The following ST3GAL6 variants were observed in gnomAD, a reference collection of about 807,000 sequenced individuals.
ST3GAL6 encodes the protein type 2 lactosamine alpha-2,3-sialyltransferase.
In ST3GAL6, 31 loss-of-function variants were observed where a neutral mutation model predicts 40.5. That is an observed-to-expected ratio of 0.77 (90% confidence interval 0.58 to 1.03). The LOEUF (loss-of-function observed/expected upper bound fraction) is 1.03, where lower values mean the gene tolerates loss of function less well. Among genes scored for constraint, ST3GAL6 ranks in the 50% least tolerant of loss-of-function variants. The probability of loss-of-function intolerance (pLI) is 0.00; values close to 1 mark genes in which losing one functional copy is unlikely to be tolerated. For synonymous variants in ST3GAL6, 129 were observed against 136.9 expected, an observed-to-expected ratio of 0.94 and a Z score of 0.40; for missense variants, 357 against 393.2, an observed-to-expected ratio of 0.91 and a Z score of 0.78.
chr3:98,768,169 G>A (rs555283264), intron 1 of ST3GAL6, among the ~76,000 whole-genome samples: 39 of 152,270 alleles, frequency 2.6e-4, no homozygotes, highest in African/African-American at 8.2e-4. Context: ...GTAGTAGGGG[G>A]AGGCCCCTAC....
Position 98,794,046 on chromosome 3 carries a change from A to G in ST3GAL6, c.*285A>G, listed in dbSNP as rs1299171904. 4.8e-6 allele frequency: 1 copy of G among 208,842 alleles called. No homozygotes were observed. Among genetic ancestry groups the G allele is most frequent in the Non-Finnish European group, 9.5e-6 (1 of 104,752 alleles). The allele number at this position is 208,842 out of a possible 1,614,324, so 12.9% of individuals were successfully genotyped here. A position where few individuals can be genotyped will look rare whatever the true frequency, so the allele number is the denominator to read the frequency against. The stretch of plus-strand genomic sequence containing the variant: ...CGTCTTTTTATAGTTACTTCATCTT[A>G]GATTTTTGAAGGGATATGACTTCCT... On this transcript the variant is annotated 3_prime_UTR_variant, in exon 10 of 10. Coordinates refer to ENST00000483910, the MANE Select transcript of ST3GAL6 (RefSeq NM_001323368.2).
chr3:98,777,326 G>T (rs1425477391), intron 5 of ST3GAL6, among the ~76,000 whole-genome samples: 1 of 152,236 alleles, frequency 6.6e-6, no homozygotes, highest in African/African-American at 2.4e-5. Flanking sequence ...CAAGGTGAAA[G>T]CTTGAAATGG....
At chr3:98,735,252 C>A (rs1488250756) in intron 1 of ST3GAL6, among the ~76,000 whole-genome samples, 2 of 152,212 alleles carry the variant, frequency 1.3e-5, no homozygotes, top group East Asian at 1.9e-4. Flanking sequence ...TCTGCCTACA[C>A]CATCCCAGGA....
At chr3:98,779,973 A>C (rs1265379753) in intron 5 of ST3GAL6, among the ~76,000 whole-genome samples, 1 of 152,206 alleles carries the variant, frequency 6.6e-6, no homozygotes, top group African/African-American at 2.4e-5. Flanking sequence ...AGGGACTCAC[A>C]ATTTACTGCA....
chr3:98,743,825 G>T (rs936415043), intron 1 of ST3GAL6, among the ~76,000 whole-genome samples: 3 of 152,024 alleles, frequency 2.0e-5, no homozygotes, highest in East Asian at 1.9e-4. Flanking sequence ...AATGACCTAG[G>T]ATATTAGGAT....
intron 1 of ST3GAL6, among the ~76,000 whole-genome samples, chr3:98,765,608 G>T (rs1484604384): frequency 1.3e-5 from 2 of 152,184 alleles, no homozygotes; most frequent in Non-Finnish European, 1.5e-5. Context: ...ACATATCTTA[G>T]TTGGAGAATA....
At chr3:98,790,534 G>A (rs1393696903) in intron 8 of ST3GAL6, among the ~76,000 whole-genome samples, 2 of 152,160 alleles carry the variant, frequency 1.3e-5, no homozygotes, top group Non-Finnish European at 2.9e-5. Flanking sequence ...TTGGAGAGTA[G>A]GAATGGAAAT....
At chr3:98,756,954 C>CT (rs1937464709) in intron 1 of ST3GAL6, among the ~76,000 whole-genome samples, 1 of 152,106 alleles carries the variant, frequency 6.6e-6, no homozygotes, top group African/African-American at 2.4e-5. Context: ...GCCTTGTTTT[C>CT]TCAATAGAAT....
At chr3:98,775,503 T>A (rs1939459976) in intron 5 of ST3GAL6, among the ~76,000 whole-genome samples, 1 of 150,992 alleles carries the variant, frequency 6.6e-6, no homozygotes, top group Non-Finnish European at 1.5e-5. Flanking sequence ...TAATTGTGAG[T>A]CCTTGCAGCA....
chr3:98,740,085 A>C (rs896728685), intron 1 of ST3GAL6, among the ~76,000 whole-genome samples: 1 of 152,206 alleles, frequency 6.6e-6, no homozygotes, highest in Admixed American at 6.5e-5. Context: ...GATATGCTAC[A>C]ATTAAATGAT....
In ST3GAL6 at chr3:98,784,158, T is replaced by C. The variant is rs554210989; in HGVS notation, c.336-787T>C. Among the ~76,000 whole-genome samples the C allele has an allele frequency of 8.5e-5, 13 of 152,348 alleles. No individual in the cohort carries two copies. The South Asian group carries it at 2.7e-3, about 32-fold the overall frequency. On this transcript the variant is annotated intron_variant, in intron 5 of 9. Coordinates refer to ENST00000483910, the MANE Select transcript of ST3GAL6 (RefSeq NM_001323368.2). Reference sequence around the variant, plus strand: ...CCTGGAAGGATAGCCTCAACAACTTTCCCTTCTGTGGTTTTGTTCCCTAGC... The same window carrying C: ...CCTGGAAGGATAGCCTCAACAACTTCCCCTTCTGTGGTTTTGTTCCCTAGC...
rs13059993 is a variant in ST3GAL6 at position 98,752,997 on chromosome 3, T to G, written c.-11-15433T>G. Among the ~76,000 whole-genome samples the G allele has an allele frequency of 1.4e-3, 216 of 152,304 alleles. 1 individual carries two copies. Among genetic ancestry groups the G allele is most frequent in the Admixed American group, 5.6e-3 (85 of 15,296 alleles). ...CTCCAATAGCCTCTAAGTATTCAAG[T>G]GAAAGGATGAGTTGTATATCTCTCA... On this transcript the variant is annotated intron_variant, in intron 1 of 9. Coordinates refer to the ST3GAL6 transcript ENST00000265261.
chr3:98,792,483 T>G (rs762538184), intron 9 of ST3GAL6, among the ~76,000 whole-genome samples: 1 of 151,692 alleles, frequency 6.6e-6, no homozygotes, highest in Non-Finnish European at 1.5e-5. Context: ...AGGATTTGTA[T>G]TTTATTTTTT....
At chr3:98,771,576 A>G (rs1052137835) in intron 3 of ST3GAL6, among the ~76,000 whole-genome samples, 8 of 152,232 alleles carry the variant, frequency 5.3e-5, no homozygotes, top group African/African-American at 1.9e-4. Context: ...TGGGTAAAAC[A>G]GGCACAATCT....
chr3:98,763,643 AAG>A (rs542719606), intron 1 of ST3GAL6, among the ~76,000 whole-genome samples: 6 of 152,018 alleles, frequency 3.9e-5, no homozygotes, highest in African/African-American at 1.2e-4. Flanking sequence ...TAGTAGTAGA[AAG>A]AGTAGTATGT....
At chr3:98,775,488 A>AAC (rs1392658795) in intron 5 of ST3GAL6, among the ~76,000 whole-genome samples, 3 of 151,860 alleles carry the variant, frequency 2.0e-5, no homozygotes, top group African/African-American at 7.3e-5. Flanking sequence ...AAAAAAAAAA[A>AAC]AAGATAATTG....
chr3:98,769,114 G>A (rs1296548444), intron 2 of ST3GAL6, among the ~76,000 whole-genome samples: 1 of 152,142 alleles, frequency 6.6e-6, no homozygotes. Flanking sequence ...CAAGCGGGTG[G>A]CAGTACATAA....
intron 1 of ST3GAL6, chr3:98,733,141 T>A: frequency 1.6e-6 from 2 of 1,255,290 alleles, no homozygotes; most frequent in Non-Finnish European, 1.0e-6. Flanking sequence ...CACGGAGCGC[T>A]GTTTGCCCCT....
At chr3:98,774,936 T>C (rs1206893004) in intron 5 of ST3GAL6, among the ~76,000 whole-genome samples, 1 of 152,226 alleles carries the variant, frequency 6.6e-6, no homozygotes, top group Non-Finnish European at 1.5e-5. Context: ...ACCTAATCAA[T>C]TTTAATTTTG....
Sources: allele counts gnomAD v4.1 joint callset (sites outside exome capture counted in the v4.1 genomes callset), GRCh38; gene constraint gnomAD v4.1.1; transcripts MANE v1.5; gene names NCBI Gene and HGNC (gene_info 2026-07-23, HGNC 2026-07-21).